The following BRF1 variants were observed in gnomAD, a reference collection of about 807,000 sequenced individuals.
BRF1 encodes the protein transcription factor IIIB 90 kDa subunit.
Under a neutral mutation model 81.7 loss-of-function variants are expected in BRF1, and 59 were observed. The ratio of observed to expected loss-of-function variants is 0.72; its 90% CI spans 0.59 to 0.90. The LOEUF (loss-of-function observed/expected upper bound fraction) is 0.90. Ranked by LOEUF, BRF1 falls within the 40% of genes least tolerant of loss-of-function variation. BRF1 has a pLI of 0.00. For missense variants in BRF1, 1,050 were observed against 936.3 expected, an observed-to-expected ratio of 1.12 and a Z score of -1.58; for synonymous variants, 491 against 395.6, an observed-to-expected ratio of 1.24 and a Z score of -2.86.
intron 15 of BRF1, chr14:105,217,193 C>G (rs1012113048): frequency 2.5e-6 from 1 of 404,874 alleles, no homozygotes; most frequent in Non-Finnish European, 4.6e-6. Flanking sequence ...GTGCGCAGAG[C>G]AGGCACAGGG....
rs150240388 is a variant in BRF1 at position 105,219,176 on chromosome 14, G to A, written c.1434C>T (p.Asn478=). ...CCCTCTGTTCCCGCAGGTACTCGGC[G>A]TTCTCCCTCATCCACAGCTCGGCCT... ...RVKAELWMRE[N]AEYLREQREK... The change falls in exon 13 of 18, where the codon AAC becomes AAT. Residue 478 remains asparagine (N), a synonymous_variant. Coordinates refer to ENST00000547530, the MANE Select transcript of BRF1 (RefSeq NM_001519.4). 20 of 1,612,370 alleles carry A rather than the reference G, an allele frequency of 1.2e-5. No homozygotes were observed. Among genetic ancestry groups the A allele is most frequent in the Admixed American group, 3.3e-5 (2 of 59,980 alleles).
At chr14:105,212,485 G>A (rs929289631) in intron 15 of BRF1, 3 of 333,354 alleles carry the variant, frequency 9.0e-6, no homozygotes, top group African/African-American at 6.4e-5. Context: ...ACCTCACTCA[G>A]GGAGGAGGGG....
Position 105,217,920 on chromosome 14 carries a change from G to T in BRF1, c.1516-120C>A, listed in dbSNP as rs910784145. The T allele has an allele frequency of 7.6e-6, 11 of 1,438,760 alleles. 1 individual carries two copies. In the Admixed American group the frequency reaches 1.7e-4, roughly 22 times the overall value. 89.1% of individuals were successfully genotyped at this position (1,438,760 alleles called of 1,614,324 possible). The stretch of plus-strand genomic sequence containing the variant: ...AGGCCTGGCTCAGGCCCTCAGAAGG[G>T]CCGCTCCTGCCTCCTCCCCCCAGAA... On this transcript the variant is annotated intron_variant, in intron 14 of 17. Coordinates refer to ENST00000547530, the MANE Select transcript of BRF1 (RefSeq NM_001519.4).
rs1003845916 is a variant in BRF1, at chr14:105,284,288, C to T, written c.265+2008G>A. Among the ~76,000 whole-genome samples the T allele has an allele frequency of 9.2e-5, 14 of 152,156 alleles. No individual in the cohort carries two copies. The highest frequency in any genetic ancestry group is 1.6e-4 in the Non-Finnish European group (11 of 68,028). ...GTCAGGAAGAAAGGCGCTGACTATA[C>T]TCCTCTACTAGTAAGTCCACAGCAG... On this transcript the variant is annotated intron_variant, in intron 2 of 17. Coordinates refer to ENST00000547530, the MANE Select transcript of BRF1 (RefSeq NM_001519.4). The surrounding 1 kb of genome is among the most constrained non-coding windows in gnomAD (Gnocchi z 4.0).
chr14:105,280,461 G>A (rs1318260359), intron 2 of BRF1, among the ~76,000 whole-genome samples: 1 of 152,270 alleles, frequency 6.6e-6, no homozygotes, highest in Non-Finnish European at 1.5e-5. Flanking sequence ...CCGTCACTAC[G>A]CATTCATCTA....
chr14:105,249,508 T>TG, intron 5 of BRF1: 1 of 1,107,392 alleles, frequency 9.0e-7, no homozygotes, highest in Non-Finnish European at 1.3e-6. Context: ...GAGGGACGGG[T>TG]GGGTCCGTTT....
In BRF1 at chr14:105,241,186, C is replaced by G. The variant is rs587674219; in HGVS notation, c.694+79G>C. On this transcript the variant is annotated intron_variant, in intron 6 of 17. Transcript: ENST00000547530. ...GTGCTCTGCAAACATACGGCCCAGC[C>G]CACCAGCACTCAGGAGTCAGGAAAG... is the stretch of plus-strand genomic sequence containing the variant. The G allele has an allele frequency of 9.6e-5, 151 of 1,570,578 alleles. No individual in the cohort carries two copies. The East Asian group carries it at 3.4e-3, about 35-fold the overall frequency.
chr14:105,243,557 G>A (rs148160690), intron 5 of BRF1, among the ~76,000 whole-genome samples: 227 of 150,262 alleles, frequency 1.5e-3, no homozygotes, highest in African/African-American at 5.2e-3. Context: ...GGTTGAGGCT[G>A]CAGTGAGCTG....
chr14:105,218,645 T>C (rs189479821), intron 14 of BRF1, among the ~76,000 whole-genome samples: 330 of 152,272 alleles, frequency 2.2e-3, no homozygotes, highest in Admixed American at 4.4e-3. Context: ...CAGGGAGGCA[T>C]GACAGTCGGA....
At chr14:105,272,635 C>T in intron 3 of BRF1, 86 bp downstream of exon 3, 2 of 1,457,422 alleles carry the variant, frequency 1.4e-6, no homozygotes, top group Non-Finnish European at 1.8e-6. Context: ...CACCAAGTTA[C>T]TGCAACTACC....
At position 105,210,045 on chromosome 14, in the gene BRF1, G is replaced by A. The variant is rs113861810; in HGVS notation, c.*506C>T. 255 of 222,470 alleles carry A rather than the reference G, an allele frequency of 1.1e-3. 3 individuals are homozygous for A. The highest frequency in any genetic ancestry group is 5.3e-3 in the African/African-American group (229 of 43,616). 13.8% of individuals were successfully genotyped at this position (222,470 alleles called of 1,614,324 possible). On this transcript the variant is annotated 3_prime_UTR_variant, in exon 18 of 18. Coordinates refer to ENST00000547530, the MANE Select transcript of BRF1 (RefSeq NM_001519.4). This position sits in a 1 kb window ranked among gnomAD's most constrained non-coding sequence, Gnocchi z 4.7. ...CAAGTGCCAGATCCTCAGCTCCCAC[G>A]GCTGCGCCGGACACCTGCAGGGCTC... is the stretch of plus-strand genomic sequence containing the variant.
At chr14:105,256,192 C>G in intron 4 of BRF1, 1 of 1,530,952 alleles carries the variant, frequency 6.5e-7, no homozygotes, top group Non-Finnish European at 8.7e-7. Context: ...TAGGTACTCA[C>G]AAAAAAATTT....
Position 105,300,434 on chromosome 14 carries a change from C to A in BRF1, c.184+12G>T, listed in dbSNP as rs755755464. The A allele has an allele frequency of 8.8e-5, 133 of 1,517,204 alleles. No individual in the cohort carries two copies. The highest frequency in any genetic ancestry group is 4.3e-4 in the Middle Eastern group (2 of 4,694). 94.0% of individuals were successfully genotyped at this position (1,517,204 alleles called of 1,614,324 possible). On this transcript the variant is annotated intron_variant, in intron 1 of 17. Coordinates refer to ENST00000547530, the MANE Select transcript of BRF1 (RefSeq NM_001519.4). ...CCGAGAAATCCGCGCAGCGCCAGCC[C>A]GCGGGACTCACCGTCCAGGGACACG...
chr14:105,216,803 C>T (rs1398053678), intron 15 of BRF1, among the ~76,000 whole-genome samples: 1 of 152,210 alleles, frequency 6.6e-6, no homozygotes, highest in Non-Finnish European at 1.5e-5. Flanking sequence ...GCAGACACAC[C>T]CAGCCCGGAG....
intron 5 of BRF1, chr14:105,249,357 C>T (rs2055428872): frequency 6.2e-7 from 1 of 1,610,132 alleles, no homozygotes. Flanking sequence ...TTTCTCCTCC[C>T]AGTACGTCTT....
intron 2 of BRF1, among the ~76,000 whole-genome samples, chr14:105,279,444 A>G (rs28846738): frequency 0.25 from 38,081 of 152,182 alleles, 5,008 homozygotes; most frequent in South Asian, 0.29. Flanking sequence ...GCCAAGAAGC[A>G]TGAGCAAAGG....
rs1336203635 is a variant in BRF1 at position 105,209,890 on chromosome 14, C to T, written c.*661G>A. On this transcript the variant is annotated 3_prime_UTR_variant, in exon 18 of 18. Coordinates refer to ENST00000547530, the MANE Select transcript of BRF1 (RefSeq NM_001519.4). ...CAGGGGTCTGACCCCCATGCTGCTCCAGGCGGTGCAGGCAGCGGGGAGGGG... is the reference window on the plus strand; with the variant it reads ...CAGGGGTCTGACCCCCATGCTGCTCTAGGCGGTGCAGGCAGCGGGGAGGGG... 4 of 411,440 alleles carry T rather than the reference C, an allele frequency of 9.7e-6. No individual in the cohort carries two copies. Among genetic ancestry groups the T allele is most frequent in the South Asian group, 7.1e-5 (1 of 14,084 alleles). 25.5% of individuals were successfully genotyped at this position (411,440 alleles called of 1,614,324 possible). A position where few individuals can be genotyped will look rare whatever the true frequency, so the allele number is the denominator to read the frequency against.
chr14:105,251,505 C>T (rs2055613390), intron 5 of BRF1, among the ~76,000 whole-genome samples: 1 of 152,230 alleles, frequency 6.6e-6, no homozygotes, highest in Non-Finnish European at 1.5e-5. Flanking sequence ...TCCCACTCTG[C>T]ATACCCTGTA....
At chr14:105,243,994 C>T (rs1417751554) in intron 5 of BRF1, among the ~76,000 whole-genome samples, 1 of 152,096 alleles carries the variant, frequency 6.6e-6, no homozygotes, top group African/African-American at 2.4e-5. Context: ...AGCGAGACTC[C>T]ATCTCAAACA....
Sources: allele counts gnomAD v4.1 joint callset (sites outside exome capture counted in the v4.1 genomes callset), GRCh38; gene constraint gnomAD v4.1.1; non-coding constraint Gnocchi (gnomAD v3.1); transcripts MANE v1.5; gene names NCBI Gene and HGNC (gene_info 2026-07-23, HGNC 2026-07-21).